IFT52: variants seen among roughly 807,000 people sequenced by gnomAD.
The protein encoded by IFT52 is intraflagellar transport 52, also known as intraflagellar transport protein 52 homolog.
Under a neutral mutation model 54.4 loss-of-function variants are expected in IFT52, and 44 were observed. The observed-to-expected ratio is 0.81, with a 90% CI of 0.63 to 1.04. The LOEUF is 1.04. IFT52 is among the 50% of genes least tolerant of loss of function. The pLI is 0.00. For synonymous variants in IFT52, 181 were observed against 185.3 expected (o/e 0.98, Z 0.19); for missense variants, 452 against 523.6 (o/e 0.86, Z 1.33).
chr20:43,615,942 AAAAAAATATTG>A (rs1028830637), intron 7 of IFT52, among the ~76,000 whole-genome samples: 3 of 152,162 alleles, frequency 2.0e-5, no homozygotes, highest in Admixed American at 6.5e-5. Context: ...CTCAAAGAAA[AAAAAAATATTG>A]AAAAATTAGC....
intron 3 of IFT52, among the ~76,000 whole-genome samples, chr20:43,600,181 A>C (rs1982309648): frequency 6.6e-6 from 1 of 152,182 alleles, no homozygotes; most frequent in African/African-American, 2.4e-5. Context: ...TAGAACTCCG[A>C]TGAATGGGAT....
intron 1 of IFT52, 34 bp from the exon 2 acceptor site, chr20:43,594,659 T>G (rs758476333): frequency 8.7e-7 from 1 of 1,147,880 alleles, no homozygotes; most frequent in Non-Finnish European, 1.3e-6. Context: ...GAATATTGTT[T>G]ATTGATTTTC....
rs529890916 is a variant in IFT52, at chr20:43,600,610, A to G, written c.208-3150A>G. 7.9e-5 allele frequency among the ~76,000 whole-genome samples: 12 copies of G among 152,238 alleles called. No individual in the cohort carries two copies. In the South Asian group the frequency reaches 2.1e-3, roughly 26 times the overall value. On this transcript the variant is annotated intron_variant, in intron 3 of 13. Coordinates refer to ENST00000373030, the MANE Select transcript of IFT52 (RefSeq NM_016004.5). ...GAGTATAATTCTTCTCTCAGTTTAC[A>G]TGGTAGTTGGGTACCTCCGAATTCA...
chr20:43,631,786 C>T (rs1260958169), intron 10 of IFT52, among the ~76,000 whole-genome samples: 1 of 152,144 alleles, frequency 6.6e-6, no homozygotes, highest in African/African-American at 2.4e-5. Context: ...CACCCTTCTG[C>T]CTGTTCTTGC....
At chr20:43,612,875 TTC>T in intron 6 of IFT52, among the ~76,000 whole-genome samples, 1 of 152,302 alleles carries the variant, frequency 6.6e-6, no homozygotes, top group East Asian at 1.9e-4. Context: ...AGATCTGTGT[TTC>T]TCTCCATTCT....
At chr20:43,622,825 T>G (rs1984440934) in intron 9 of IFT52, among the ~76,000 whole-genome samples, 1 of 149,364 alleles carries the variant, frequency 6.7e-6, no homozygotes, top group Admixed American at 6.7e-5. Context: ...TATATACATA[T>G]TTTTATGTGT....
chr20:43,606,711 T>C (rs1982911516), intron 6 of IFT52, among the ~76,000 whole-genome samples: 2 of 152,090 alleles, frequency 1.3e-5, no homozygotes, highest in South Asian at 4.1e-4. Flanking sequence ...GTCTCTGGTT[T>C]TCCTAGGCAG....
chr20:43,635,168 C>CA (rs958538155), intron 10 of IFT52, among the ~76,000 whole-genome samples: 2 of 99,884 alleles, frequency 2.0e-5, no homozygotes, highest in African/African-American at 7.1e-5. Flanking sequence ...ACTCTGTCTC[C>CA]AAAAAAAAGA....
intron 9 of IFT52, among the ~76,000 whole-genome samples, chr20:43,622,919 G>A (rs1403066084): frequency 6.6e-6 from 1 of 151,752 alleles, no homozygotes; most frequent in African/African-American, 2.4e-5. Flanking sequence ...TCCACAGCAT[G>A]TGTCATGACT....
intron 6 of IFT52, among the ~76,000 whole-genome samples, chr20:43,605,836 A>G (rs1982826253): frequency 6.6e-6 from 1 of 152,238 alleles, no homozygotes; most frequent in Non-Finnish European, 1.5e-5. Flanking sequence ...GCCCAAATGC[A>G]CATGACTACT....
chr20:43,624,676 TG>T (rs1036707467), intron 10 of IFT52, among the ~76,000 whole-genome samples: 3 of 152,038 alleles, frequency 2.0e-5, no homozygotes, highest in African/African-American at 7.2e-5. Flanking sequence ...AGACAGAAGC[TG>T]GGGAAAAGCA....
chr20:43,608,500 G>A (rs1983156294), intron 6 of IFT52, among the ~76,000 whole-genome samples: 1 of 152,138 alleles, frequency 6.6e-6, no homozygotes, highest in South Asian at 2.1e-4. Flanking sequence ...TTTTTCAATT[G>A]ATGGTTTGTC....
chr20:43,637,485 A>G (rs1278606077), intron 12 of IFT52, among the ~76,000 whole-genome samples: 1 of 151,642 alleles, frequency 6.6e-6, no homozygotes, highest in African/African-American at 2.4e-5. Context: ...CTGGTCTCAA[A>G]CTCCTGACCT....
rs527924789 is a variant in IFT52 at position 43,595,426 on chromosome 20, A to G, written c.119+609A>G. ...CAGCTGGGCATGATCGTGCGTGCCTATGGTCCCAGCTGCTCGGGAGGCTGA... is the reference window on the plus strand; with the variant it reads ...CAGCTGGGCATGATCGTGCGTGCCTGTGGTCCCAGCTGCTCGGGAGGCTGA... On this transcript the variant is annotated intron_variant, in intron 2 of 13. Coordinates refer to ENST00000373030, the MANE Select transcript of IFT52 (RefSeq NM_016004.5). Among the ~76,000 whole-genome samples, 118 of 150,670 alleles carry G rather than the reference A, an allele frequency of 7.8e-4. 1 individual carries two copies. Among genetic ancestry groups the G allele is most frequent in the African/African-American group, 2.6e-3 (108 of 40,976 alleles).
At chr20:43,605,096 C>T (rs1982753445) in intron 6 of IFT52, 23 bp downstream of exon 6, 1 of 1,611,180 alleles carries the variant, frequency 6.2e-7, no homozygotes. Context: ...TCTGATGCCA[C>T]ATGAGGAAGA....
rs764922892 is a variant in IFT52, at chr20:43,642,669, C to T, written c.1266+45C>T. 52 of 1,583,996 alleles carry T rather than the reference C, an allele frequency of 3.3e-5. No homozygotes were observed. In the East Asian group the frequency reaches 1.1e-3, roughly 35 times the overall value. ...CAGTGTAGTGGGAGCCCCTCCAGTA[C>T]TGGTATCTTCCATGGACTGTGCTTG... On this transcript the variant is annotated intron_variant, in intron 13 of 13. Transcript: ENST00000373030.
At chr20:43,635,900 G>A (rs1380962985) in intron 10 of IFT52, 26 bp from the exon 11 acceptor site, 13 of 1,608,846 alleles carry the variant, frequency 8.1e-6, no homozygotes, top group South Asian at 1.1e-5. Flanking sequence ...CTTGATCCCT[G>A]CTTTTTTGTT....
chr20:43,636,186 ACTTCCATGTGGTATG>A (rs1568799643), intron 11 of IFT52, among the ~76,000 whole-genome samples, 173 bp downstream of exon 11: 1 of 152,140 alleles, frequency 6.6e-6, no homozygotes, highest in Admixed American at 6.5e-5. Flanking sequence ...TTCTATAGAG[ACTTCCATGTGGTATG>A]CTTCCAAATT....
intron 1 of IFT52, among the ~76,000 whole-genome samples, chr20:43,591,356 T>C (rs1380755165): frequency 1.3e-5 from 2 of 152,246 alleles, no homozygotes; most frequent in Admixed American, 1.3e-4. Flanking sequence ...TCGGTATTCA[T>C]GTGGGAAAAT....
Sources: gnomAD v4.1 joint callset for allele counts (sites outside exome capture counted in the v4.1 genomes callset) on GRCh38, gnomAD v4.1.1 for gene constraint, MANE v1.5 for transcripts, NCBI Gene and HGNC (gene_info 2026-07-23, HGNC 2026-07-21) for gene names.